Variants in OSBPL10 observed in about 807,000 individuals in gnomAD.
OSBPL10 encodes the protein oxysterol binding protein like 10, also known as oxysterol-binding protein-related protein 10.
In OSBPL10, 49 loss-of-function variants were observed where a neutral mutation model predicts 81.7. The ratio of observed to expected loss-of-function variants is 0.60; its 90% CI spans 0.48 to 0.76. The LOEUF is 0.76. Among genes scored for constraint, OSBPL10 ranks in the 30% least tolerant of loss-of-function variants. OSBPL10 has a pLI of 0.00. For missense variants in OSBPL10, 923 were observed against 987.8 expected, an observed-to-expected ratio of 0.93 and a Z score of 0.88; for synonymous variants, 419 against 383.6, an observed-to-expected ratio of 1.09 and a Z score of -1.08.
chr3:31,744,744 C>A (rs946251747), intron 5 of OSBPL10, among the ~76,000 whole-genome samples: 2 of 151,196 alleles, frequency 1.3e-5, no homozygotes, highest in African/African-American at 4.9e-5. Flanking sequence ...GAGCTTTGTT[C>A]CCCTGGGCCC....
At chr3:31,812,370 T>G (rs1268405730) in intron 4 of OSBPL10, among the ~76,000 whole-genome samples, 1 of 152,200 alleles carries the variant, frequency 6.6e-6, no homozygotes, top group Non-Finnish European at 1.5e-5. Flanking sequence ...AATACCTGGT[T>G]AACGTCCCCT....
chr3:31,963,852 T>A (rs1250830733), intron 1 of OSBPL10, among the ~76,000 whole-genome samples: 1 of 151,984 alleles, frequency 6.6e-6, no homozygotes, highest in African/African-American at 2.4e-5. Context: ...TTTTTTTTTT[T>A]AATCTCAAGG....
intron 1 of OSBPL10, among the ~76,000 whole-genome samples, chr3:32,048,348 C>T (rs1575092205): frequency 1.4e-5 from 2 of 147,900 alleles, no homozygotes; most frequent in East Asian, 4.0e-4. Context: ...TCACTCATTG[C>T]CCAGGCTGGA....
intron 1 of OSBPL10, among the ~76,000 whole-genome samples, chr3:31,947,497 A>C (rs1336121857): frequency 6.6e-6 from 1 of 152,152 alleles, no homozygotes; most frequent in Non-Finnish European, 1.5e-5. Context: ...CAGATCTTAC[A>C]CCAACATCAG....
At chr3:31,809,125 A>G (rs1699599685) in intron 4 of OSBPL10, among the ~76,000 whole-genome samples, 1 of 152,234 alleles carries the variant, frequency 6.6e-6, no homozygotes, top group Non-Finnish European at 1.5e-5. Flanking sequence ...ATTAAGAGAA[A>G]TTTGATAAAC....
chr3:31,739,426 A>G lies in OSBPL10; in HGVS notation c.941-6015T>C, dbSNP rs115998437. Among the ~76,000 whole-genome samples the G allele has an allele frequency of 7.3e-3, 1,116 of 152,268 alleles. 15 individuals are homozygous for G. The highest frequency in any genetic ancestry group is 0.026 in the African/African-American group (1,068 of 41,544). ...ACAGATTGAATGTCTATGTTCCCCC[A>G]AGATTCATATGTTGAAGTCCTAAAC... On this transcript the variant is annotated intron_variant, in intron 5 of 11. Transcript: ENST00000396556.
Position 31,661,700 on chromosome 3 carries a change from A to T in OSBPL10, c.*372T>A, listed in dbSNP as rs995149361. The T allele has an allele frequency of 1.8e-5, 3 of 167,930 alleles. No homozygotes were observed. Among genetic ancestry groups the T allele is most frequent in the African/African-American group, 7.1e-5 (3 of 42,202 alleles). 10.4% of individuals were successfully genotyped at this position (167,930 alleles called of 1,614,324 possible). ...TAAGTGAGAATATCTTTGTGAGTGT[A>T]AAACATTTTTGGCAAAGTGAAAAAT... is the stretch of plus-strand genomic sequence containing the variant. On this transcript the variant is annotated 3_prime_UTR_variant, in exon 12 of 12. Coordinates refer to ENST00000396556, the MANE Select transcript of OSBPL10 (RefSeq NM_017784.5).
chr3:31,706,324 A>G (rs1410005493), intron 6 of OSBPL10, among the ~76,000 whole-genome samples: 1 of 152,184 alleles, frequency 6.6e-6, no homozygotes, highest in African/African-American at 2.4e-5. Flanking sequence ...ATTTTATGCA[A>G]AAATTGTAAG....
chr3:31,748,633 C>T (rs967403763), intron 4 of OSBPL10, among the ~76,000 whole-genome samples: 3 of 112,034 alleles, frequency 2.7e-5, no homozygotes, highest in Non-Finnish European at 3.7e-5. Context: ...GAGCCCCCTT[C>T]GCTCGCTTGC....
chr3:31,991,953 C>T (rs1699036342), intron 2 of OSBPL10, among the ~76,000 whole-genome samples: 1 of 151,832 alleles, frequency 6.6e-6, no homozygotes. Context: ...TGAGACCAGC[C>T]TGGTCAACAT....
chr3:31,829,425 AG>A (rs1364561016), intron 4 of OSBPL10, among the ~76,000 whole-genome samples: 3 of 152,200 alleles, frequency 2.0e-5, no homozygotes, highest in African/African-American at 7.2e-5. Flanking sequence ...ACAATTAAAG[AG>A]TTTTCATTGT....
chr3:31,952,929 C>CT (rs57873437), intron 1 of OSBPL10, among the ~76,000 whole-genome samples: 8,825 of 116,514 alleles, frequency 0.076, 683 homozygotes, highest in African/African-American at 0.18. Flanking sequence ...AATCTTCCTA[C>CT]TTTTTTTTTT....
At chr3:31,765,696 G>A (rs935665421) in intron 4 of OSBPL10, among the ~76,000 whole-genome samples, 1 of 152,108 alleles carries the variant, frequency 6.6e-6, no homozygotes, top group Admixed American at 6.5e-5. Flanking sequence ...ATTAGCAAGT[G>A]AAAAAGGAGG....
In OSBPL10 at chr3:31,708,972, C is replaced by T. The variant is rs575765796; in HGVS notation, c.1096-6464G>A. ...TTGAAGGCTCCTGCACACGTACTAT[C>T]CTCTACATGGAGCCACTTCCAAAGC... is the stretch of plus-strand genomic sequence containing the variant. On this transcript the variant is annotated intron_variant, in intron 6 of 11. Coordinates refer to ENST00000396556, the MANE Select transcript of OSBPL10 (RefSeq NM_017784.5). The T allele has an allele frequency of 5.1e-6, 5 of 985,456 alleles. No individual in the cohort carries two copies. The South Asian group carries it at 1.9e-4, about 37-fold the overall frequency. The allele number at this position is 985,456 out of a possible 1,614,324, so 61.0% of individuals were successfully genotyped here.
chr3:31,827,691 T>C (rs945847022), intron 4 of OSBPL10, among the ~76,000 whole-genome samples: 6 of 152,012 alleles, frequency 3.9e-5, no homozygotes, highest in Non-Finnish European at 7.4e-5. Flanking sequence ...CGTATCTACA[T>C]CTGTAATACA....
At chr3:31,910,943 T>C (rs1353445034) in intron 1 of OSBPL10, among the ~76,000 whole-genome samples, 1 of 152,242 alleles carries the variant, frequency 6.6e-6, no homozygotes, top group African/African-American at 2.4e-5. Context: ...TTCTCAAGCA[T>C]GGTCCAGAAT....
intron 3 of OSBPL10, among the ~76,000 whole-genome samples, chr3:31,872,087 T>C (rs1173057323): frequency 2.6e-5 from 4 of 152,222 alleles, no homozygotes; most frequent in Non-Finnish European, 5.9e-5. Context: ...TGTGTTCTAT[T>C]CTTCCTGGCA....
At chr3:31,719,030 G>A (rs914968807) in intron 6 of OSBPL10, 14 of 152,190 alleles carry the variant, frequency 9.2e-5, no homozygotes, top group African/African-American at 3.4e-4. Flanking sequence ...ATCAGTTAGT[G>A]TACATTCCCA....
rs748330690 is a variant in OSBPL10, at chr3:31,990,348, G to A, written n.298+56143C>T. ...ATCATTGGAGAATCCATAATGAAGA[G>A]AGATCTTACAAGTGTAATAAATGTG... On this transcript the variant is annotated intron_variant and non_coding_transcript_variant, in intron 2 of 3. Coordinates refer to the OSBPL10 transcript ENST00000479173. 1.1e-5 allele frequency: 18 copies of A among 1,613,954 alleles called. No homozygotes were observed. In the South Asian group the frequency reaches 1.6e-4, roughly 15 times the overall value.
Sources: allele counts gnomAD v4.1 joint callset (sites outside exome capture counted in the v4.1 genomes callset), GRCh38; gene constraint gnomAD v4.1.1; transcripts MANE v1.5; gene names NCBI Gene and HGNC (gene_info 2026-07-23, HGNC 2026-07-21).